The following PIEZO2 variants were observed in gnomAD, a reference collection of about 807,000 sequenced individuals.
The protein encoded by PIEZO2 is piezo-type mechanosensitive ion channel component 2.
In PIEZO2, 172 loss-of-function variants were observed where a neutral mutation model predicts 337.3. That is an observed-to-expected ratio of 0.51 (90% CI 0.45 to 0.58). The LOEUF (loss-of-function observed/expected upper bound fraction) is 0.58. Among genes scored for constraint, PIEZO2 ranks in the 20% least tolerant of loss-of-function variants. PIEZO2 has a pLI of 0.00. For synonymous variants in PIEZO2, 1,251 were observed against 1,228.5 expected, an observed-to-expected ratio of 1.02 and a Z score of -0.38; for missense variants, 3,028 against 3,391.3, an observed-to-expected ratio of 0.89 and a Z score of 2.66.
chr18:10,947,058 G>C (rs1307671174), intron 3 of PIEZO2, among the ~76,000 whole-genome samples: 1 of 151,408 alleles, frequency 6.6e-6, no homozygotes, highest in East Asian at 1.9e-4. Context: ...AAATAAAAAA[G>C]TTACAAATCC....
In PIEZO2 at chr18:10,689,767, G is replaced by T; in HGVS notation, c.7385C>A (p.Ala2462Glu). The change falls in exon 49 of 56, where the codon GCA (alanine) becomes GAA (glutamate). Residue 2462 changes from alanine (A) to glutamate (E), a missense_variant. Physicochemically the swap from Ala to Glu is moderately radical, Grantham distance 107. Around this residue, in one of 5 missense-constraint regions of PIEZO2, gnomAD observed 179 missense variants for 281.8 expected, o/e 0.64. Coordinates refer to ENST00000674853, the MANE Select transcript of PIEZO2 (RefSeq NM_001378183.1). ...RLVPFLTELRAVMDWVWTDTT... is the reference protein window; with the variant it reads ...RLVPFLTELREVMDWVWTDTT... The stretch of plus-strand genomic sequence containing the variant: ...GTCCGTCCACACCCAGTCCATCACT[G>T]CCCTCAGCTCAGTCAAAAAGGGCAC... 6.2e-7 allele frequency: 1 copy of T among 1,613,850 alleles called. No homozygotes were observed. Among genetic ancestry groups the T allele is most frequent in the Non-Finnish European group, 8.5e-7 (1 of 1,179,880 alleles).
rs1568113043 is a variant in PIEZO2 at position 10,834,839 on chromosome 18, TC to T, written c.917+20513del. 2.0e-5 allele frequency among the ~76,000 whole-genome samples: 3 copies of T among 152,334 alleles called. No homozygotes were observed. In the South Asian group the frequency reaches 6.2e-4, roughly 32 times the overall value. On this transcript the variant is annotated intron_variant, in intron 7 of 55. Transcript: ENST00000674853. This position sits in a 1 kb window ranked among gnomAD's most constrained non-coding sequence, Gnocchi z 4.5. ...TTCACAAGAAACTCCAGTGCCCTTT[TC>T]CCACACCTGCCTCCATCACTCTCAC...
intron 1 of PIEZO2, among the ~76,000 whole-genome samples, chr18:11,141,117 T>C (rs751889022): frequency 6.6e-6 from 1 of 152,230 alleles, no homozygotes; most frequent in South Asian, 2.1e-4. Flanking sequence ...GTTTGTCTTA[T>C]CTAAGCATCA....
At chr18:11,066,011 T>G (rs7236754) in intron 2 of PIEZO2, 116 bp downstream of exon 2, 1 of 784,752 alleles carries the variant, frequency 1.3e-6, no homozygotes, top group South Asian at 1.8e-5. Context: ...CCATGCCATA[T>G]TAGCCCTGCT....
intron 36 of PIEZO2, among the ~76,000 whole-genome samples, chr18:10,720,161 T>G (rs1424110663): frequency 6.7e-6 from 1 of 149,498 alleles, no homozygotes; most frequent in African/African-American, 2.5e-5. Flanking sequence ...ATTTGTTATG[T>G]TAAAAACTCA....
In PIEZO2 at chr18:10,764,763, C is replaced by T. The variant is rs2038283077; in HGVS notation, c.2947-1665G>A. Among the ~76,000 whole-genome samples, 4 of 152,066 alleles carry T rather than the reference C, an allele frequency of 2.6e-5. No homozygotes were observed. In the South Asian group the frequency reaches 8.3e-4, roughly 32 times the overall value. On this transcript the variant is annotated intron_variant, in intron 21 of 55. Transcript: ENST00000674853. ...TGAAATATTAAAGTAGGAAGAGATG[C>T]CTTATAGAATTAATTGAAGATGAAA... is the stretch of plus-strand genomic sequence containing the variant.
At chr18:10,920,454 A>T (rs980599591) in intron 3 of PIEZO2, among the ~76,000 whole-genome samples, 1 of 152,176 alleles carries the variant, frequency 6.6e-6, no homozygotes, top group African/African-American at 2.4e-5. Flanking sequence ...TAATTATAAA[A>T]TGTTTACATA....
chr18:10,865,668 CAAAGCAATA>C (rs2041986983), intron 5 of PIEZO2, among the ~76,000 whole-genome samples: 1 of 152,112 alleles, frequency 6.6e-6, no homozygotes, highest in Non-Finnish European at 1.5e-5. Flanking sequence ...CCAATATTTT[CAAAGCAATA>C]TGGGGAACCT....
chr18:11,004,950 A>G (rs553620141), intron 2 of PIEZO2, among the ~76,000 whole-genome samples: 18 of 152,376 alleles, frequency 1.2e-4, no homozygotes, highest in African/African-American at 4.1e-4. Context: ...GGCTTTGCAC[A>G]TAAGATGTGC....
intron 3 of PIEZO2, among the ~76,000 whole-genome samples, chr18:10,947,436 G>A (rs1286471821): frequency 6.6e-6 from 1 of 152,148 alleles, no homozygotes; most frequent in Non-Finnish European, 1.5e-5. Context: ...CAGGAATGAA[G>A]GGGAAATAAA....
Position 11,037,337 on chromosome 18 carries a change from A to G in PIEZO2, c.160+28790T>C, listed in dbSNP as rs573924184. ...GTATCCTAGAAATTGTATGCCACGT[A>G]AGAGGAGAGAAGAAACAGAAATGAA... On this transcript the variant is annotated intron_variant, in intron 2 of 55. Transcript: ENST00000674853. 3.3e-5 allele frequency among the ~76,000 whole-genome samples: 5 copies of G among 152,340 alleles called. No individual in the cohort carries two copies. In the South Asian group the frequency reaches 1.0e-3, roughly 32 times the overall value.
chr18:10,711,218 T>C (rs2035806946), intron 39 of PIEZO2, among the ~76,000 whole-genome samples: 1 of 152,228 alleles, frequency 6.6e-6, no homozygotes, highest in African/African-American at 2.4e-5. Context: ...TTGTGATTTA[T>C]AATATTTAAT....
chr18:10,715,890 T>C, intron 37 of PIEZO2, 74 bp from the exon 38 acceptor site: 1 of 1,257,768 alleles, frequency 8.0e-7, no homozygotes, highest in Non-Finnish European at 1.1e-6. Context: ...AGCCCAGCGA[T>C]GTTTTACCAA....
At chr18:10,688,467 T>C (rs1393729875) in intron 49 of PIEZO2, among the ~76,000 whole-genome samples, 1 of 152,188 alleles carries the variant, frequency 6.6e-6, no homozygotes, top group East Asian at 1.9e-4. Context: ...GTCGAATGAG[T>C]GATTCCAGGG....
intron 36 of PIEZO2, among the ~76,000 whole-genome samples, chr18:10,729,681 A>G (rs2036688874): frequency 6.6e-6 from 1 of 152,006 alleles, no homozygotes; most frequent in African/African-American, 2.4e-5. Context: ...ATCTTTAATC[A>G]TGCCACTTAA....
intron 36 of PIEZO2, among the ~76,000 whole-genome samples, chr18:10,728,954 C>CAAAAAAAAA (rs143511795): frequency 2.6e-5 from 2 of 75,644 alleles, no homozygotes; most frequent in African/African-American, 4.8e-5. Flanking sequence ...GACTCTGTCT[C>CAAAAAAAAA]AAAAAAAAAA....
intron 42 of PIEZO2, among the ~76,000 whole-genome samples, chr18:10,702,755 G>C (rs1419839070): frequency 3.3e-5 from 5 of 152,200 alleles, no homozygotes; most frequent in African/African-American, 4.8e-5. Flanking sequence ...CACGGGGTTT[G>C]TATGATAGAG....
At chr18:10,730,749 CG>C (rs2036731315) in intron 36 of PIEZO2, among the ~76,000 whole-genome samples, 1 of 152,076 alleles carries the variant, frequency 6.6e-6, no homozygotes, top group Admixed American at 6.5e-5. Flanking sequence ...ATTTTTTAGA[CG>C]GGGTCTCCCT....
intron 3 of PIEZO2, among the ~76,000 whole-genome samples, chr18:10,951,259 C>T (rs462580): frequency 0.56 from 85,879 of 152,056 alleles, 24,542 homozygotes; most frequent in Admixed American, 0.61. Flanking sequence ...CATTTCCCTT[C>T]TTTATAAAAC....
Sources: allele counts gnomAD v4.1 joint callset (sites outside exome capture counted in the v4.1 genomes callset), GRCh38; gene constraint gnomAD v4.1.1; regional missense constraint gnomAD v4.1.1; non-coding constraint Gnocchi (gnomAD v3.1); transcripts MANE v1.5; gene names NCBI Gene and HGNC (gene_info 2026-07-23, HGNC 2026-07-21).